TTN: variants seen among roughly 807,000 people sequenced by gnomAD.
The protein encoded by TTN is connectin.
A neutral mutation model predicts 3,223.0 loss-of-function variants in TTN; 1,525 were observed. The ratio of observed to expected loss-of-function variants is 0.47; its 90% confidence interval spans 0.45 to 0.49. The LOEUF is 0.49. Ranked by LOEUF, TTN falls within the 20% of genes least tolerant of loss-of-function variation. The pLI is 0.00. For missense variants in TTN, 40,786 were observed against 43,424.0 expected (o/e 0.94, Z 5.40); for synonymous variants, 14,094 against 15,161.0 (o/e 0.93, Z 5.17).
chr2:178,758,860 T>C, intron 44 of TTN, 124 bp downstream of exon 44: 3 of 981,284 alleles, frequency 3.1e-6, no homozygotes, highest in Non-Finnish European at 4.8e-6. Context: ...GGGAAATAAT[T>C]AGTTGAATTA....
Position 178,768,780 on chromosome 2 carries a change from T to C in TTN, c.9056A>G (p.Lys3019Arg). The change falls in exon 38 of 363, where the codon AAA becomes AGA. Residue 3019 changes from lysine to arginine, a missense_variant. Coordinates refer to ENST00000589042, the MANE Select transcript of TTN (RefSeq NM_001267550.2). ...KSTDKCQMRT[K>R]KLTHSLNIRN... ...GATGTTCAGTGAGTGTGTGAGCTTT[T>C]TGGTTCTCATCTGGCACTTGTCAGT... 6.2e-7 allele frequency: 1 copy of C among 1,614,152 alleles called. No homozygotes were observed. The highest frequency in any genetic ancestry group is 8.5e-7 in the Non-Finnish European group (1 of 1,180,008).
At chr2:178,621,413 A>G in intron 245 of TTN, 45 bp from the exon 246 acceptor site, 1 of 1,607,270 alleles carries the variant, frequency 6.2e-7, no homozygotes, top group South Asian at 1.1e-5. Context: ...ATGTCTTTGT[A>G]CTTTAAATCT....
chr2:178,773,170 A>G lies in TTN; in HGVS notation c.7794T>C (p.Asp2598=). The G allele has an allele frequency of 1.2e-6, 2 of 1,613,772 alleles. No homozygotes were observed. The highest frequency in any genetic ancestry group is 1.7e-6 in the Non-Finnish European group (2 of 1,179,862). ...KLTVLNMMKD[D]EGKYTFYAGE... ...CCGCGTAAAATGTGTATTTTCCTTC[A>G]TCATCTTTCATCATATTTAGAACTG... The change falls in exon 33 of 363, where the codon GAT becomes GAC. Residue 2598 remains aspartate, a synonymous_variant. Transcript: ENST00000589042.
intron 126 of TTN, 132 bp from the exon 127 acceptor site, chr2:178,688,356 TAAGA>T: frequency 1.2e-6 from 1 of 805,240 alleles, no homozygotes; most frequent in Non-Finnish European, 2.0e-6. Context: ...TTCCTCACTA[TAAGA>T]AGGAGGAAGC....
At position 178,723,313 on chromosome 2, in the gene TTN, A is replaced by C. The variant is rs776163887; in HGVS notation, c.21694T>G (p.Phe7232Val). ...GAATGATCACTTAATCTCTTCAAAAATGCAGCTGGTTCTAGTAAGTGACAA... is the reference window on the plus strand; with the variant it reads ...GAATGATCACTTAATCTCTTCAAAACTGCAGCTGGTTCTAGTAAGTGACAA... ...TRLFVKEPAA[F>V]LKRLSDHSVE... The change falls in exon 75 of 363, where the codon TTT (phenylalanine) becomes GTT (valine). Residue 7232 changes from phenylalanine (F) to valine (V), a missense_variant. Coordinates refer to ENST00000589042, the MANE Select transcript of TTN (RefSeq NM_001267550.2). 2.1e-5 allele frequency: 34 copies of C among 1,611,812 alleles called. No individual in the cohort carries two copies. In the South Asian group the frequency reaches 3.6e-4, roughly 17 times the overall value.
intron 47 of TTN, chr2:178,747,224 A>G: frequency 6.2e-7 from 1 of 1,611,450 alleles, no homozygotes; most frequent in Non-Finnish European, 8.5e-7. Context: ...GTATCTCTCT[A>G]GTGTCTCCCC....
Position 178,609,370 on chromosome 2 carries a change from A to G in TTN, c.51940T>C (p.Phe17314Leu). Reference sequence around the variant, plus strand: ...AAACGCTGTGTCAGAGGCAGGACAAATGGTTCTTCTTCTTGAACTTCACCC... The same window carrying G: ...AAACGCTGTGTCAGAGGCAGGACAAGTGGTTCTTCTTCTTGAACTTCACCC... ...RKGEVQEEEP[F>L]VLPLTQRLSI... Residue 17314 changes from phenylalanine (F) to leucine (L), a missense_variant, in exon 273 of 363, where the codon TTT (phenylalanine) becomes CTT (leucine). Coordinates refer to ENST00000589042, the MANE Select transcript of TTN (RefSeq NM_001267550.2). 1 of 1,612,262 alleles carries G rather than the reference A, an allele frequency of 6.2e-7. No individual in the cohort carries two copies. The highest frequency in any genetic ancestry group is 8.5e-7 in the Non-Finnish European group (1 of 1,179,010).
In TTN at chr2:178,571,365, C is replaced by T; in HGVS notation, c.74767G>A (p.Asp24923Asn). 1 of 1,613,342 alleles carries T rather than the reference C, an allele frequency of 6.2e-7. No homozygotes were observed. Among genetic ancestry groups the T allele is most frequent in the Non-Finnish European group, 8.5e-7 (1 of 1,179,542 alleles). ...TCATTCCATTGTACTTCCATGCTGT[C>T]CCTGGAGGACAGTGTGACAACTGGA... The part of the protein sequence containing the change: ...GTPVVTLSSR[D>N]SMEVQWNEPI... The change falls in exon 326 of 363, where the codon GAC becomes AAC. Residue 24923 changes from aspartate to asparagine, a missense_variant. By Grantham distance (23) the Asp-to-Asn change is conservative. Coordinates refer to ENST00000589042, the MANE Select transcript of TTN (RefSeq NM_001267550.2).
At chr2:178,744,972 A>T in intron 47 of TTN, 1 of 985,396 alleles carries the variant, frequency 1.0e-6, no homozygotes, top group Middle Eastern at 5.2e-4. Context: ...AATATTAATA[A>T]CGAAAACATT....
At position 178,779,297 on chromosome 2, in the gene TTN, T is replaced by A. The variant is rs1304157069; in HGVS notation, c.3895A>T (p.Asn1299Tyr). 6.2e-7 allele frequency: 1 copy of A among 1,613,754 alleles called. No homozygotes were observed. The highest frequency in any genetic ancestry group is 8.5e-7 in the Non-Finnish European group (1 of 1,179,770). The change falls in exon 23 of 363, where the codon AAT becomes TAT. Residue 1299 changes from asparagine (N) to tyrosine (Y), a missense_variant. Asn to Tyr is a moderately radical substitution (Grantham distance 143). Transcript: ENST00000589042. ...CCCATCCCCTCAAGAATTCTATAAT[T>A]CTTGATTCTTGAATCAAATCCTGAT... is the stretch of plus-strand genomic sequence containing the variant. ...VESGFDSRIK[N>Y]YRILEGMGVT...
intron 236 of TTN, among the ~76,000 whole-genome samples, chr2:178,631,609 T>G (rs892605555): frequency 1.3e-5 from 2 of 152,092 alleles, no homozygotes; most frequent in Non-Finnish European, 2.9e-5. Context: ...AAATTTCTAA[T>G]TCTTAGCAAC....
Position 178,739,717 on chromosome 2 carries a change from C to A in TTN, c.13516G>T (p.Glu4506Ter). ...QQGAKTSLQEEMDSFSGSQKV... is the reference protein window; with the variant it reads ...QQGAKTSLQE Reference sequence around the variant, plus strand: ...TGTGAACCTGAAAAAGAATCCATTTCTTCTTGCAAACTTGTTTTGGCTCCT... The same window carrying A: ...TGTGAACCTGAAAAAGAATCCATTTATTCTTGCAAACTTGTTTTGGCTCCT... Residue 4506 changes from glutamate to a stop codon, truncating the protein, a stop_gained, in exon 48 of 363, where the codon GAA (glutamate) becomes TAA (stop). Transcript: ENST00000589042. LOFTEE classifies it high-confidence loss of function. 6.2e-7 allele frequency: 1 copy of A among 1,613,918 alleles called. No homozygotes were observed. The highest frequency in any genetic ancestry group is 8.5e-7 in the Non-Finnish European group (1 of 1,179,830).
intron 47 of TTN, chr2:178,749,548 T>G: frequency 6.2e-7 from 1 of 1,612,986 alleles, no homozygotes; most frequent in East Asian, 2.2e-5. Context: ...CATAAAAATG[T>G]GCCCTTACAG....
chr2:178,781,546 G>A (rs1404718987), intron 20 of TTN, among the ~76,000 whole-genome samples: 1 of 152,034 alleles, frequency 6.6e-6, no homozygotes, highest in Non-Finnish European at 1.5e-5. Flanking sequence ...CAAATGATCA[G>A]GTCACTTAAA....
intron 224 of TTN, among the ~76,000 whole-genome samples, chr2:178,637,146 G>GATATATATATATATATATAT (rs61216469): frequency 1.4e-4 from 7 of 49,192 alleles, no homozygotes; most frequent in Non-Finnish European, 2.6e-4. Context: ...AATATAGTTG[G>GATATATATATATATATATAT]ATATATATAT....
In TTN at chr2:178,785,632, T is replaced by C. The variant is rs771462473; in HGVS notation, c.2481A>G (p.Glu827=). 1.1e-5 allele frequency: 18 copies of C among 1,614,008 alleles called. No individual in the cohort carries two copies. The highest frequency in any genetic ancestry group is 3.3e-5 in the Admixed American group (2 of 60,002). Residue 827 remains glutamate (E), a synonymous_variant, in exon 15 of 363, where the codon GAA becomes GAG. Transcript: ENST00000589042. ...TGTAACTTCTTACCTCATATCCATG[T>C]TCTGTCTTAGGAACAGAAATTTTTG... ...TVSKISVPKT[E]HGYEASIAGS...
Position 178,724,360 on chromosome 2 carries a change from T to G in TTN, c.21015A>C (p.Leu7005Phe). 1 of 1,613,576 alleles carries G rather than the reference T, an allele frequency of 6.2e-7. No homozygotes were observed. The highest frequency in any genetic ancestry group is 2.2e-5 in the East Asian group (1 of 44,856). ...CTTGCCTTTCAACTGAGAGAATCCTTAAGGAAGAGATTTTGTTGTAGAAGC... is the reference window on the plus strand; with the variant it reads ...CTTGCCTTTCAACTGAGAGAATCCTGAAGGAAGAGATTTTGTTGTAGAAGC... ...KFSFYNKISS[L>F]RILSVERQDA... The change falls in exon 72 of 363, where the codon TTA becomes TTC. Residue 7005 changes from leucine to phenylalanine, a missense_variant. By Grantham distance (22) the Leu-to-Phe change is conservative. Coordinates refer to ENST00000589042, the MANE Select transcript of TTN (RefSeq NM_001267550.2).
In TTN at chr2:178,632,960, G is replaced by C. The variant is rs768592399; in HGVS notation, c.43171C>G (p.Gln14391Glu). 12 of 1,613,088 alleles carry C rather than the reference G, an allele frequency of 7.4e-6. No individual in the cohort carries two copies. Among genetic ancestry groups the C allele is most frequent in the Non-Finnish European group, 8.5e-6 (10 of 1,179,438 alleles). The change falls in exon 234 of 363, where the codon CAG becomes GAG. Residue 14391 changes from glutamine (Q) to glutamate (E), a missense_variant. By Grantham distance (29) the Gln-to-Glu change is conservative (BLOSUM62 2). Transcript: ENST00000589042. The part of the protein sequence containing the change: ...QLGMTGEVSF[Q>E]AANAKSAANL... ...GCTGCAGATTTGGCATTAGCAGCCTGGAAGGAAACCTCTCCTGTCATACCC... is the reference window on the plus strand; with the variant it reads ...GCTGCAGATTTGGCATTAGCAGCCTCGAAGGAAACCTCTCCTGTCATACCC...
rs2079581150 is a variant in TTN, at chr2:178,727,594, G to A, written c.19984C>T (p.Leu6662Phe). ...VGSDSCTTML[L>F]VTEPPKFVKK... ...AATCAAATTTGCACACCTGTCACAA[G>A]CAACATCGTAGTACAAGAGTCGCTA... The change falls in exon 68 of 363, where the codon CTT (leucine) becomes TTT (phenylalanine). Residue 6662 changes from leucine (L) to phenylalanine (F), a missense_variant. Coordinates refer to ENST00000589042, the MANE Select transcript of TTN (RefSeq NM_001267550.2). The A allele has an allele frequency of 6.4e-7, 1 of 1,566,632 alleles. No homozygotes were observed. Among genetic ancestry groups the A allele is most frequent in the South Asian group, 1.2e-5 (1 of 82,092 alleles).
Sources: allele counts gnomAD v4.1 joint callset (sites outside exome capture counted in the v4.1 genomes callset), GRCh38; gene constraint gnomAD v4.1.1; transcripts MANE v1.5; gene names NCBI Gene and HGNC (gene_info 2026-07-23, HGNC 2026-07-21).